The following SMG8 variants were observed in gnomAD, a reference collection of about 807,000 sequenced individuals.
SMG8 encodes the protein nonsense-mediated mRNA decay factor SMG8.
Under a neutral mutation model 82.1 loss-of-function variants are expected in SMG8, and 49 were observed. The observed-to-expected ratio is 0.60, with a 90% CI of 0.47 to 0.76. The LOEUF is 0.76. Among genes scored for constraint, SMG8 ranks in the 30% least tolerant of loss-of-function variants. The pLI, the probability that SMG8 is intolerant of heterozygous loss-of-function variation, is 0.00. For synonymous variants in SMG8, 404 were observed against 430.0 expected (o/e 0.94, Z 0.75); for missense variants, 969 against 1,166.4 (o/e 0.83, Z 2.46).
chr17:59,213,326 A>G lies in SMG8; in HGVS notation c.2503A>G (p.Arg835Gly). The change falls in exon 3 of 4, where the codon AGA (arginine) becomes GGA (glycine). Residue 835 changes from arginine to glycine, a missense_variant. Physicochemically the swap from Arg to Gly is moderately radical, Grantham distance 125. Coordinates refer to ENST00000300917, the MANE Select transcript of SMG8 (RefSeq NM_018149.7). ...PGKRSAVVMG[R>G]GRRRDDIARA... ...AAAGAGAAGTGCGGTTGTAATGGGA[A>G]GAGGAAGACGGCGAGATGACATAGC... is the stretch of plus-strand genomic sequence containing the variant. 6.2e-7 allele frequency: 1 copy of G among 1,614,238 alleles called. No individual in the cohort carries two copies. The highest frequency in any genetic ancestry group is 8.5e-7 in the Non-Finnish European group (1 of 1,180,042).
chr17:59,214,733 G>A, intron 3 of SMG8, 72 bp from the exon 4 acceptor site: 1 of 826,382 alleles, frequency 1.2e-6, no homozygotes, highest in African/African-American at 1.7e-5. Flanking sequence ...CCTATCGTCT[G>A]TTTAGGCATT....
chr17:59,211,264 C>G lies in SMG8; in HGVS notation c.1213C>G (p.Leu405Val). The change falls in exon 1 of 4, where the codon CTA becomes GTA. Residue 405 changes from leucine to valine, a missense_variant. Physicochemically the swap from Leu to Val is conservative, Grantham distance 32 (BLOSUM62 1). Transcript: ENST00000300917. ...CAGCAGTTCCAGTTCTTCAGGCCAG[C>G]TAGTGGATTTCACTCTTCGGGAATT... ...DSSSSSSSGQ[L>V]VDFTLREFLW... is the part of the protein sequence containing the mutation. 2 of 1,614,056 alleles carry G rather than the reference C, an allele frequency of 1.2e-6. No individual in the cohort carries two copies. The highest frequency in any genetic ancestry group is 1.7e-6 in the Non-Finnish European group (2 of 1,179,950).
rs1247554815 is a variant in SMG8, at chr17:59,211,567, A to G, written c.1516A>G (p.Met506Val). The change falls in exon 1 of 4, where the codon ATG becomes GTG. Residue 506 changes from methionine (M) to valine (V), a missense_variant. Physicochemically the swap from Met to Val is conservative, Grantham distance 21. Coordinates refer to ENST00000300917, the MANE Select transcript of SMG8 (RefSeq NM_018149.7). ...AAACCGATGCCAAAAAGCTTTACCC[A>G]TGGCCCACAGTGCCTACCAGTCAAA... Reference protein sequence around the residue: ...SENRCQKALPMAHSAYQSNLP... With the variant: ...SENRCQKALPVAHSAYQSNLP... The G allele has an allele frequency of 2.5e-6, 4 of 1,614,214 alleles. No homozygotes were observed. Among genetic ancestry groups the G allele is most frequent in the Admixed American group, 1.7e-5 (1 of 60,014 alleles).
At position 59,210,426 on chromosome 17, in the gene SMG8, T is replaced by G. The variant is rs1597950816; in HGVS notation, c.375T>G (p.Gly125=). ...SVRGSGAVAE[G]NRTEAGSQDY... is the part of the protein sequence containing the mutation. ...GGGGAAGTGGAGCTGTCGCGGAAGG[T>G]AACCGAACTGAGGCAGGCTCCCAGG... The change falls in exon 1 of 4, where the codon GGT becomes GGG. Residue 125 remains glycine (G), a synonymous_variant. Transcript: ENST00000300917. 1 of 1,610,422 alleles carries G rather than the reference T, an allele frequency of 6.2e-7. No individual in the cohort carries two copies. The highest frequency in any genetic ancestry group is 1.1e-5 in the South Asian group (1 of 90,570).
chr17:59,213,734 C>G, intron 3 of SMG8, 133 bp downstream of exon 3: 1 of 1,239,460 alleles, frequency 8.1e-7, no homozygotes, highest in Non-Finnish European at 1.1e-6. Flanking sequence ...TGCTTGTAAT[C>G]CCAGAACTTT....
Position 59,213,418 on chromosome 17 carries a change from CAAAGTAATG to C in SMG8, c.2605_2613del (p.Lys869_Met871del). The C allele has an allele frequency of 1.2e-6, 2 of 1,613,988 alleles. No individual in the cohort carries two copies. Among genetic ancestry groups the C allele is most frequent in the Non-Finnish European group, 1.7e-6 (2 of 1,180,002 alleles). On this transcript the variant is annotated inframe_deletion, in exon 3 of 4. Coordinates refer to ENST00000300917, the MANE Select transcript of SMG8 (RefSeq NM_018149.7). The stretch of plus-strand genomic sequence containing the variant: ...GGAGATTCATGTGCTCTGGGCCTGA[CAAAGTAATG>C]AAAGTAATGGGAAGTGGGCCAAAGG...
At position 59,211,422 on chromosome 17, in the gene SMG8, G is replaced by A. The variant is rs758219405; in HGVS notation, c.1371G>A (p.Glu457=). ...KWISAASKLY[E]VAIDGKEEDL... ...TCTCAGCAGCTTCAAAACTGTATGA[G>A]GTGGCTATTGATGGGAAAGAAGAGG... Residue 457 remains glutamate (E), a synonymous_variant, in exon 1 of 4, where the codon GAG becomes GAA. Transcript: ENST00000300917. 1 of 1,614,204 alleles carries A rather than the reference G, an allele frequency of 6.2e-7. No individual in the cohort carries two copies. The highest frequency in any genetic ancestry group is 8.5e-7 in the Non-Finnish European group (1 of 1,180,032).
At chr17:59,214,771 A>G in intron 3 of SMG8, 34 bp from the exon 4 acceptor site, 1 of 865,072 alleles carries the variant, frequency 1.2e-6, no homozygotes, top group Non-Finnish European at 2.0e-6. Context: ...ATATTGAGAA[A>G]TGTGAAAATA....
chr17:59,211,028 T>C lies in SMG8; in HGVS notation c.977T>C (p.Leu326Pro). 1 of 1,614,182 alleles carries C rather than the reference T, an allele frequency of 6.2e-7. No individual in the cohort carries two copies. The highest frequency in any genetic ancestry group is 1.1e-5 in the South Asian group (1 of 91,084). ...TTGACTAATCAGAGCATCAACTGCC[T>C]CTTTACTGTGCCTGCCAACCAAGCT... Reference protein sequence around the residue: ...RVLTNQSINCLFTVPANQAFV... With the variant: ...RVLTNQSINCPFTVPANQAFV... The change falls in exon 1 of 4, where the codon CTC becomes CCC. Residue 326 changes from leucine to proline, a missense_variant. By Grantham distance (98) the Leu-to-Pro change is moderately conservative. Around this residue, in one of 3 missense-constraint regions of SMG8, gnomAD observed 662 missense variants for 884.8 expected, o/e 0.75. Transcript: ENST00000300917.
In SMG8 at chr17:59,211,282, C is replaced by G; in HGVS notation, c.1231C>G (p.Arg411Gly). Residue 411 changes from arginine (R) to glycine (G), a missense_variant, in exon 1 of 4, where the codon CGG (arginine) becomes GGG (glycine). Physicochemically the swap from Arg to Gly is moderately radical, Grantham distance 125. This residue lies in a region of SMG8 where 662 missense variants were observed against 884.8 expected (regional missense o/e 0.75). Transcript: ENST00000300917. Reference sequence around the variant, plus strand: ...AGGCCAGCTAGTGGATTTCACTCTTCGGGAATTCCTATGGCAGCATGTGGA... The same window carrying G: ...AGGCCAGCTAGTGGATTTCACTCTTGGGGAATTCCTATGGCAGCATGTGGA... ...SSGQLVDFTLREFLWQHVELV... is the reference protein window; with the variant it reads ...SSGQLVDFTLGEFLWQHVELV... 2.5e-6 allele frequency: 4 copies of G among 1,613,906 alleles called. No individual in the cohort carries two copies. Among genetic ancestry groups the G allele is most frequent in the South Asian group, 1.1e-5 (1 of 91,052 alleles).
At chr17:59,212,676 G>T in intron 2 of SMG8, 53 bp from the exon 3 acceptor site, 1 of 1,526,920 alleles carries the variant, frequency 6.5e-7, no homozygotes, top group African/African-American at 1.4e-5. Flanking sequence ...TTAGAATGAA[G>T]AATATTATTT....
Position 59,211,109 on chromosome 17 carries a change from A to C in SMG8, c.1058A>C (p.Asp353Ala). The C allele has an allele frequency of 1.2e-6, 2 of 1,614,196 alleles. No homozygotes were observed. The highest frequency in any genetic ancestry group is 1.7e-6 in the Non-Finnish European group (2 of 1,180,028). Reference sequence around the variant, plus strand: ...GAGGACCCAGTAGGTATGTTGCTGGACCAACTTAGGAGTCATTGTACTGTG... The same window carrying C: ...GAGGACCCAGTAGGTATGTTGCTGGCCCAACTTAGGAGTCATTGTACTGTG... The part of the protein sequence containing the change: ...QEEDPVGMLL[D>A]QLRSHCTVKD... The change falls in exon 1 of 4, where the codon GAC becomes GCC. Residue 353 changes from aspartate to alanine, a missense_variant. By Grantham distance (126) the Asp-to-Ala change is moderately radical. This residue lies in a region of SMG8 where 662 missense variants were observed against 884.8 expected (regional missense o/e 0.75). Coordinates refer to ENST00000300917, the MANE Select transcript of SMG8 (RefSeq NM_018149.7).
At position 59,210,731 on chromosome 17, in the gene SMG8, T is replaced by G. The variant is rs1460427478; in HGVS notation, c.680T>G (p.Phe227Cys). Reference protein sequence around the residue: ...CSFDITYDRVFRALDGLRQKV... With the variant: ...CSFDITYDRVCRALDGLRQKV... Reference sequence around the variant, plus strand: ...TTTGATATCACTTATGATCGAGTATTCAGAGCCCTGGATGGGCTGAGACAG... The same window carrying G: ...TTTGATATCACTTATGATCGAGTATGCAGAGCCCTGGATGGGCTGAGACAG... Residue 227 changes from phenylalanine to cysteine, a missense_variant, in exon 1 of 4, where the codon TTC (phenylalanine) becomes TGC (cysteine). This residue lies in a region of SMG8 where 662 missense variants were observed against 884.8 expected (regional missense o/e 0.75). Coordinates refer to ENST00000300917, the MANE Select transcript of SMG8 (RefSeq NM_018149.7). 2.5e-6 allele frequency: 4 copies of G among 1,613,922 alleles called. No individual in the cohort carries two copies. Among genetic ancestry groups the G allele is most frequent in the Non-Finnish European group, 3.4e-6 (4 of 1,180,012 alleles).
At chr17:59,214,327 T>C (rs1237710833) in intron 3 of SMG8, among the ~76,000 whole-genome samples, 1 of 152,098 alleles carries the variant, frequency 6.6e-6, no homozygotes, top group Admixed American at 6.6e-5. Flanking sequence ...CAGAATAATA[T>C]TTGAGACTAA....
Position 59,213,457 on chromosome 17 carries a change from A to T in SMG8, c.2634A>T (p.Ser878=). The change falls in exon 3 of 4, where the codon TCA becomes TCT. Residue 878 remains serine (S), a synonymous_variant. Coordinates refer to ENST00000300917, the MANE Select transcript of SMG8 (RefSeq NM_018149.7). ...TAATGGGAAGTGGGCCAAAGGAATC[A>T]GCTTTAAAAGCCCTAAATAGTGACA... ...MKVMGSGPKE[S]ALKALNSDMP... The T allele has an allele frequency of 6.2e-6, 10 of 1,614,200 alleles. No homozygotes were observed. The highest frequency in any genetic ancestry group is 8.5e-6 in the Non-Finnish European group (10 of 1,180,036).
rs2046951550 is a variant in SMG8 at position 59,212,870 on chromosome 17, G to A, written c.2047G>A (p.Glu683Lys). The change falls in exon 3 of 4, where the codon GAA (glutamate) becomes AAA (lysine). Residue 683 changes from glutamate to lysine, a missense_variant. This residue lies in a region of SMG8 where 662 missense variants were observed against 884.8 expected (regional missense o/e 0.75). Transcript: ENST00000300917. The part of the protein sequence containing the change: ...DSDADKLKEK[E>K]PQTQGESTSL... ...GGATGCTGATAAACTTAAAGAAAAAGAACCTCAAACCCAAGGAGAGAGCAC... is the reference window on the plus strand; with the variant it reads ...GGATGCTGATAAACTTAAAGAAAAAAAACCTCAAACCCAAGGAGAGAGCAC... 1 of 1,614,048 alleles carries A rather than the reference G, an allele frequency of 6.2e-7. No individual in the cohort carries two copies. The highest frequency in any genetic ancestry group is 8.5e-7 in the Non-Finnish European group (1 of 1,180,000).
Position 59,210,400 on chromosome 17 carries a change from C to A in SMG8, c.349C>A (p.Arg117=). ...TGGGGCTGCAGCCGGGGGTTCAGTTCGGGGAAGTGGAGCTGTCGCGGAAGG... is the reference window on the plus strand; with the variant it reads ...TGGGGCTGCAGCCGGGGGTTCAGTTAGGGGAAGTGGAGCTGTCGCGGAAGG... The part of the protein sequence containing the change: ...DPGAAAGGSV[R]GSGAVAEGNR... Residue 117 remains arginine (R), a synonymous_variant, in exon 1 of 4, where the codon CGG becomes AGG. Coordinates refer to ENST00000300917, the MANE Select transcript of SMG8 (RefSeq NM_018149.7). 6.2e-7 allele frequency: 1 copy of A among 1,610,556 alleles called. No homozygotes were observed. Among genetic ancestry groups the A allele is most frequent in the Non-Finnish European group, 8.5e-7 (1 of 1,178,618 alleles).
Position 59,211,327 on chromosome 17 carries a change from G to A in SMG8, c.1276G>A (p.Gly426Ser). 4 of 1,614,118 alleles carry A rather than the reference G, an allele frequency of 2.5e-6. No homozygotes were observed. The highest frequency in any genetic ancestry group is 3.4e-6 in the Non-Finnish European group (4 of 1,180,016). Reference sequence around the variant, plus strand: ...TGTGGAGCTAGTTCTAAGCAAGAAAGGTTTCGATGACAGTGTGGGCAGGAA... The same window carrying A: ...TGTGGAGCTAGTTCTAAGCAAGAAAAGTTTCGATGACAGTGTGGGCAGGAA... ...QHVELVLSKK[G>S]FDDSVGRNPQ... Residue 426 changes from glycine to serine, a missense_variant, in exon 1 of 4, where the codon GGT becomes AGT. Coordinates refer to ENST00000300917, the MANE Select transcript of SMG8 (RefSeq NM_018149.7).
At chr17:59,214,112 G>T (rs1157284176) in intron 3 of SMG8, among the ~76,000 whole-genome samples, 3 of 151,996 alleles carry the variant, frequency 2.0e-5, no homozygotes, top group African/African-American at 7.2e-5. Flanking sequence ...GCGAAACCCC[G>T]TCTCTACTAA....
Sources: allele counts gnomAD v4.1 joint callset (sites outside exome capture counted in the v4.1 genomes callset), GRCh38; gene constraint gnomAD v4.1.1; regional missense constraint gnomAD v4.1.1; transcripts MANE v1.5; gene names NCBI Gene and HGNC (gene_info 2026-07-23, HGNC 2026-07-21).